ADSL: variants seen among roughly 807,000 people sequenced by gnomAD.
ADSL encodes the protein adenylosuccinate lyase.
A neutral mutation model predicts 62.1 loss-of-function variants in ADSL; 44 were observed. That is an observed-to-expected ratio of 0.71 (90% CI 0.56 to 0.91). The LOEUF is 0.91. Ranked by LOEUF, ADSL falls within the 40% of genes least tolerant of loss-of-function variation. The pLI, the probability that ADSL is intolerant of heterozygous loss-of-function variation, is 0.00. For synonymous variants in ADSL, 198 were observed against 220.5 expected (o/e 0.90, Z 0.90); for missense variants, 531 against 627.4 (o/e 0.85, Z 1.64).
chr22:40,358,779 A>G, intron 4 of ADSL, 85 bp from the exon 5 acceptor site: 4 of 1,300,172 alleles, frequency 3.1e-6, no homozygotes, highest in South Asian at 2.4e-5. Flanking sequence ...CCAAGGGGTA[A>G]TGGTGGTTAT....
intron 4 of ADSL, among the ~76,000 whole-genome samples, chr22:40,354,884 GA>G (rs954790420): frequency 5.4e-5 from 8 of 148,050 alleles, no homozygotes; most frequent in Middle Eastern, 6.4e-3. Context: ...AAAAAAAAAA[GA>G]AAAAAATCTA....
intron 4 of ADSL, among the ~76,000 whole-genome samples, chr22:40,356,643 G>A (rs967957808): frequency 6.6e-5 from 10 of 151,750 alleles, no homozygotes; most frequent in African/African-American, 2.4e-4. Flanking sequence ...CATGGAGTTC[G>A]AGACCAGCCT....
chr22:40,348,928 T>C (rs987299951), intron 1 of ADSL: 2 of 238,242 alleles, frequency 8.4e-6, no homozygotes, highest in African/African-American at 4.5e-5. Flanking sequence ...GATGGATGAA[T>C]GTAAGACATC....
intron 4 of ADSL, 99 bp from the exon 5 acceptor site, chr22:40,358,765 C>G: frequency 8.8e-7 from 1 of 1,131,150 alleles, no homozygotes. Context: ...AAATTGTTCT[C>G]CCTCCAAGGG....
At chr22:40,359,133 G>A in intron 5 of ADSL, 98 bp downstream of exon 5, 1 of 1,587,614 alleles carries the variant, frequency 6.3e-7, no homozygotes, top group Non-Finnish European at 8.6e-7. Context: ...ACTGTGGGAT[G>A]GGTGGGGTCT....
chr22:40,364,755 C>A, intron 11 of ADSL, 125 bp from the exon 12 acceptor site: 1 of 1,006,876 alleles, frequency 9.9e-7, no homozygotes, highest in Non-Finnish European at 1.6e-6. Flanking sequence ...CAGGAACCAC[C>A]TCAGCCTAGA....
downstream of ADSL, chr22:40,372,900 C>T (rs1168069304): frequency 1.3e-5 from 2 of 152,220 alleles, no homozygotes; most frequent in African/African-American, 2.4e-5. Flanking sequence ...TGTTATTCAG[C>T]TGGTGACGTC....
At chr22:40,379,129 T>G (rs1355761419) in intron 2 of ADSL, among the ~76,000 whole-genome samples, 2 of 152,236 alleles carry the variant, frequency 1.3e-5, no homozygotes, top group Non-Finnish European at 2.9e-5. Context: ...TTATTAATTT[T>G]TTAAGTTACT....
At chr22:40,381,513 A>G (rs941265117) in intron 2 of ADSL, among the ~76,000 whole-genome samples, 4 of 152,218 alleles carry the variant, frequency 2.6e-5, no homozygotes, top group Admixed American at 1.3e-4. Flanking sequence ...GAAGTATTAT[A>G]TTATTACTCC....
chr22:40,353,730 A>G (rs915139201), intron 3 of ADSL: 3 of 254,362 alleles, frequency 1.2e-5, no homozygotes, highest in Non-Finnish European at 2.2e-5. Context: ...GGTTCATGCC[A>G]TTCTCCTGCC....
intron 2 of ADSL, among the ~76,000 whole-genome samples, chr22:40,380,364 A>ATT (rs555526386): frequency 0.022 from 2,942 of 134,214 alleles, 110 homozygotes; most frequent in African/African-American, 0.076. Context: ...AATATCTATA[A>ATT]TTTTTTTTTT....
At chr22:40,375,020 T>C (rs2046316559) in intron 2 of ADSL, among the ~76,000 whole-genome samples, 2 of 152,218 alleles carry the variant, frequency 1.3e-5, no homozygotes, top group African/African-American at 4.8e-5. Context: ...CCTCCCCTTT[T>C]TGAAAATTTA....
Position 40,366,625 on chromosome 22 carries a change from G to GT in ADSL, c.*104dup. The GT allele has an allele frequency of 4.8e-6, 4 of 835,590 alleles. No individual in the cohort carries two copies. The highest frequency in any genetic ancestry group is 1.9e-5 in the Admixed American group (1 of 51,518). 51.8% of individuals were successfully genotyped at this position (835,590 alleles called of 1,614,324 possible). A position where few individuals can be genotyped will look rare whatever the true frequency, so the allele number is the denominator to read the frequency against. ...CCTCGAGAATTGTTACCTTAAATTA[G>GT]TACAGCACTTTCTTCTTCCCATGGT... is the stretch of plus-strand genomic sequence containing the variant. On this transcript the variant is annotated 3_prime_UTR_variant, in exon 13 of 13. Transcript: ENST00000623063.
At chr22:40,356,516 CAG>C (rs1037401262) in intron 4 of ADSL, among the ~76,000 whole-genome samples, 1 of 137,048 alleles carries the variant, frequency 7.3e-6, no homozygotes, top group African/African-American at 2.8e-5. Flanking sequence ...GCCTGGGCGA[CAG>C]AGTGAAATTC....
intron 3 of ADSL, 144 bp from the exon 4 acceptor site, chr22:40,354,104 G>A (rs1323876462): frequency 1.5e-5 from 12 of 818,140 alleles, no homozygotes; most frequent in Middle Eastern, 2.3e-4. Context: ...GCACTTTAGG[G>A]TACAAAGATG....
At position 40,361,533 on chromosome 22, in the gene ADSL, GT is replaced by G; in HGVS notation, c.910del (p.Cys304AlafsTer8). 6.2e-7 allele frequency: 1 copy of G among 1,614,206 alleles called. No homozygotes were observed. The highest frequency in any genetic ancestry group is 8.5e-7 in the Non-Finnish European group (1 of 1,180,052). Reference sequence around the variant, plus strand: ...AAGCGGAATCCCATGCGTTCAGAACGTTGCTGCAGTCTTGCCCGCCACCTGA... The same window carrying G: ...AAGCGGAATCCCATGCGTTCAGAACGTGCTGCAGTCTTGCCCGCCACCTGA... ...PYKRNPMRSE[R>X]CCSLARHLMT... On this transcript the variant is annotated frameshift_variant, in exon 9 of 13. Transcript: ENST00000623063. LOFTEE classifies it high-confidence loss of function.
At position 40,359,268 on chromosome 22, in the gene ADSL, G is replaced by C. The variant is rs1442075825; in HGVS notation, c.663G>C (p.Gln221His). 1.2e-6 allele frequency: 2 copies of C among 1,614,160 alleles called. No homozygotes were observed. ...LFEGDDHKVE[Q>H]LDKMVTEKAG... Reference sequence around the variant, plus strand: ...TGTCTTTTCTTTCCAAGGTAGAGCAGCTTGACAAGATGGTGACAGAAAAGG... The same window carrying C: ...TGTCTTTTCTTTCCAAGGTAGAGCACCTTGACAAGATGGTGACAGAAAAGG... Residue 221 changes from glutamine to histidine, a missense_variant, in exon 6 of 13, where the codon CAG (glutamine) becomes CAC (histidine). Around this residue, in one of 2 missense-constraint regions of ADSL, gnomAD observed 471 missense variants for 592.9 expected, o/e 0.79. Transcript: ENST00000623063.
chr22:40,364,228 T>C (rs759424623), intron 10 of ADSL, 48 bp from the exon 11 acceptor site: 1 of 1,543,384 alleles, frequency 6.5e-7, no homozygotes, highest in Non-Finnish European at 8.9e-7. Context: ...TTTATGACTT[T>C]AACCTTGAGG....
In ADSL at chr22:40,346,535, C is replaced by T. The variant is rs755335917; in HGVS notation, c.-24C>T. On this transcript the variant is annotated 5_prime_UTR_variant, in exon 1 of 13. Coordinates refer to ENST00000623063, the MANE Select transcript of ADSL (RefSeq NM_000026.4). ...TTCCGCTCTTCCCTGGTCCAGTCCA[C>T]CCTGGCGGGGTCGCAGGGTTGGGAT... is the stretch of plus-strand genomic sequence containing the variant. 2.5e-6 allele frequency: 4 copies of T among 1,595,522 alleles called. No homozygotes were observed. Among genetic ancestry groups the T allele is most frequent in the Non-Finnish European group, 2.6e-6 (3 of 1,174,148 alleles).
Sources: allele counts gnomAD v4.1 joint callset (sites outside exome capture counted in the v4.1 genomes callset), GRCh38; gene constraint gnomAD v4.1.1; regional missense constraint gnomAD v4.1.1; transcripts MANE v1.5; gene names NCBI Gene and HGNC (gene_info 2026-07-23, HGNC 2026-07-21).